The following SPOCK1 variants were observed in gnomAD, a reference collection of about 807,000 sequenced individuals.
The protein encoded by SPOCK1 is testican-1.
SPOCK1 carries 23 observed loss-of-function variants against 55.3 expected under a neutral mutation model. That is an observed-to-expected ratio of 0.42 (90% CI 0.30 to 0.59). The LOEUF (loss-of-function observed/expected upper bound fraction) is 0.59. Among genes scored for constraint, SPOCK1 ranks in the 20% least tolerant of loss-of-function variants. The probability of loss-of-function intolerance (pLI) is 0.22; values close to 1 mark genes in which losing one functional copy is unlikely to be tolerated. For missense variants in SPOCK1, 499 were observed against 552.5 expected (o/e 0.90, Z 0.97); for synonymous variants, 226 against 221.0 (o/e 1.02, Z -0.20).
At chr5:137,090,322 A>G (rs561230184) in intron 5 of SPOCK1, among the ~76,000 whole-genome samples, 2 of 152,294 alleles carry the variant, frequency 1.3e-5, no homozygotes, top group Admixed American at 6.5e-5. Flanking sequence ...CAACAGACAC[A>G]TCTGTGAATA....
intron 3 of SPOCK1, among the ~76,000 whole-genome samples, chr5:137,212,843 G>A (rs1755643017): frequency 6.6e-6 from 1 of 152,232 alleles, no homozygotes; most frequent in Non-Finnish European, 1.5e-5. Flanking sequence ...CAAGCGGTTG[G>A]CTGGACAAAG....
chr5:137,275,267 C>A (rs905917759), intron 2 of SPOCK1, among the ~76,000 whole-genome samples: 2 of 152,236 alleles, frequency 1.3e-5, no homozygotes, highest in African/African-American at 4.8e-5. Context: ...GTCCAGCCAT[C>A]TTTCTGAGAA....
At chr5:137,006,697 C>T (rs1751256277) in intron 6 of SPOCK1, among the ~76,000 whole-genome samples, 1 of 152,126 alleles carries the variant, frequency 6.6e-6, no homozygotes, top group African/African-American at 2.4e-5. Flanking sequence ...ATTTCTTTCT[C>T]TTGCCTAATT....
chr5:137,175,786 C>A (rs1276207970), intron 3 of SPOCK1, among the ~76,000 whole-genome samples: 1 of 152,108 alleles, frequency 6.6e-6, no homozygotes, highest in African/African-American at 2.4e-5. Flanking sequence ...GCTCCTAAAC[C>A]ATCCCATCCA....
At chr5:137,418,131 A>G (rs1752388215) in intron 2 of SPOCK1, among the ~76,000 whole-genome samples, 1 of 152,192 alleles carries the variant, frequency 6.6e-6, no homozygotes, top group Non-Finnish European at 1.5e-5. Flanking sequence ...AAAGGACATG[A>G]ACTCATCATT....
intron 3 of SPOCK1, among the ~76,000 whole-genome samples, chr5:137,162,359 G>A (rs1754574957): frequency 1.3e-5 from 2 of 151,892 alleles, no homozygotes; most frequent in Non-Finnish European, 2.9e-5. Context: ...AGCTGGTCTC[G>A]AACTCCTGAC....
intron 4 of SPOCK1, among the ~76,000 whole-genome samples, chr5:137,138,722 G>T (rs1348149448): frequency 7.0e-6 from 1 of 143,512 alleles, no homozygotes; most frequent in Non-Finnish European, 1.5e-5. Flanking sequence ...CCAAAAAAAA[G>T]TGGTATTTTT....
At chr5:137,321,936 A>G (rs1259606938) in intron 2 of SPOCK1, among the ~76,000 whole-genome samples, 2 of 152,184 alleles carry the variant, frequency 1.3e-5, no homozygotes, top group Non-Finnish European at 2.9e-5. Context: ...TCAAAAATTA[A>G]GAAAAATTAA....
In SPOCK1 at chr5:137,141,863, A is replaced by C. The variant is rs539303406; in HGVS notation, c.233-1169T>G. Among the ~76,000 whole-genome samples the C allele has an allele frequency of 5.3e-5, 8 of 152,322 alleles. No homozygotes were observed. The South Asian group carries it at 1.7e-3, about 32-fold the overall frequency. ...GGGGGTGAGGGGAGTTGATTCCAAC[A>C]AAGTAACTCCAGAAAGGGTCTCCAA... On this transcript the variant is annotated intron_variant, in intron 3 of 10. Transcript: ENST00000394945.
chr5:137,396,654 A>G (rs544657475), intron 2 of SPOCK1, among the ~76,000 whole-genome samples: 1 of 152,044 alleles, frequency 6.6e-6, no homozygotes, highest in Non-Finnish European at 1.5e-5. Flanking sequence ...CTGGTTATCT[A>G]CTCTGTTTCA....
At chr5:137,091,847 C>T (rs1259474913) in intron 5 of SPOCK1, among the ~76,000 whole-genome samples, 1 of 152,174 alleles carries the variant, frequency 6.6e-6, no homozygotes, top group Non-Finnish European at 1.5e-5. Flanking sequence ...CATATGGGAG[C>T]TCATCTGCTC....
intron 3 of SPOCK1, among the ~76,000 whole-genome samples, chr5:137,185,391 A>G (rs1755048598): frequency 6.6e-6 from 1 of 152,226 alleles, no homozygotes; most frequent in African/African-American, 2.4e-5. Context: ...ACCAGAGCTG[A>G]GCTGCAGGTC....
chr5:137,250,517 T>G (rs1280231356), intron 3 of SPOCK1, among the ~76,000 whole-genome samples: 1 of 152,098 alleles, frequency 6.6e-6, no homozygotes, highest in Admixed American at 6.5e-5. Context: ...CATGTCTGAG[T>G]CCGTTCATAG....
chr5:137,241,723 C>A (rs1403194876), intron 3 of SPOCK1, among the ~76,000 whole-genome samples: 1 of 152,152 alleles, frequency 6.6e-6, no homozygotes, highest in East Asian at 1.9e-4. Context: ...TGCTAACCCC[C>A]TGATCTTGAA....
chr5:136,979,325 T>C lies in SPOCK1; in HGVS notation c.1129+7A>G, dbSNP rs1159831163. 1 of 1,613,962 alleles carries C rather than the reference T, an allele frequency of 6.2e-7. No individual in the cohort carries two copies. The highest frequency in any genetic ancestry group is 8.5e-7 in the Non-Finnish European group (1 of 1,179,922). On this transcript the variant is annotated splice_region_variant and intron_variant, in intron 10 of 10. Transcript: ENST00000394945. The stretch of plus-strand genomic sequence containing the variant: ...ATTGTGGGGCTCATGCAGGAGGCCT[T>C]ACTCACCACAGCTCACAGCACCCTG...
chr5:137,209,662 C>T (rs896057747), intron 3 of SPOCK1, among the ~76,000 whole-genome samples: 35 of 152,182 alleles, frequency 2.3e-4, no homozygotes, highest in African/African-American at 7.7e-4. Flanking sequence ...TCGGTCTCAG[C>T]GTCAGTCAAA....
chr5:137,083,331 G>A (rs575448569), intron 5 of SPOCK1, among the ~76,000 whole-genome samples: 1 of 152,300 alleles, frequency 6.6e-6, no homozygotes, highest in Admixed American at 6.5e-5. Flanking sequence ...CAGAGTGGCG[G>A]AAGCAGAGGC....
chr5:137,322,469 C>T (rs1284667015), intron 2 of SPOCK1, among the ~76,000 whole-genome samples: 1 of 151,556 alleles, frequency 6.6e-6, no homozygotes, highest in African/African-American at 2.4e-5. Context: ...AGTTAAAAGA[C>T]AAAAATACAA....
intron 2 of SPOCK1, among the ~76,000 whole-genome samples, chr5:137,328,737 C>A (rs1758119722): frequency 6.6e-6 from 1 of 152,174 alleles, no homozygotes; most frequent in East Asian, 1.9e-4. Context: ...CTTAGAGAGG[C>A]TAGGAGACAT....
Sources: allele counts gnomAD v4.1 joint callset (sites outside exome capture counted in the v4.1 genomes callset), GRCh38; gene constraint gnomAD v4.1.1; transcripts MANE v1.5; gene names NCBI Gene and HGNC (gene_info 2026-07-23, HGNC 2026-07-21).